Variants in WDR35 observed in about 807,000 individuals in gnomAD.
WDR35 encodes the protein WD repeat domain 35, also known as WD repeat-containing protein 35.
In WDR35, 118 loss-of-function variants were observed where a neutral mutation model predicts 158.3. The ratio of observed to expected loss-of-function variants is 0.75; its 90% confidence interval spans 0.64 to 0.87. The LOEUF is 0.87. Ranked by LOEUF, WDR35 falls within the 40% of genes least tolerant of loss-of-function variation. The probability of loss-of-function intolerance (pLI) is 0.00; values close to 1 mark genes in which losing one functional copy is unlikely to be tolerated. For synonymous variants in WDR35, 448 were observed against 476.1 expected (o/e 0.94, Z 0.77); for missense variants, 1,263 against 1,405.8 (o/e 0.90, Z 1.62).
In WDR35 at chr2:19,979,924, C is replaced by T. The variant is rs925969233; in HGVS notation, c.307+767G>A. Among the ~76,000 whole-genome samples, 9 of 152,228 alleles carry T rather than the reference C, an allele frequency of 5.9e-5. No homozygotes were observed. In the East Asian group the frequency reaches 1.7e-3, roughly 29 times the overall value. On this transcript the variant is annotated intron_variant, in intron 4 of 26. Coordinates refer to ENST00000281405, the MANE Select transcript of WDR35 (RefSeq NM_020779.4). ...AAAACAGCACACATGAACTAAGGCA[C>T]CCTTCCCTTTTGAAGATGATAACTA... is the stretch of plus-strand genomic sequence containing the variant.
At chr2:19,971,595 T>C (rs1227777015) in intron 8 of WDR35, among the ~76,000 whole-genome samples, 1 of 152,106 alleles carries the variant, frequency 6.6e-6, no homozygotes, top group African/African-American at 2.4e-5. Context: ...CATAATAGAG[T>C]AAGACAAATG....
At chr2:19,933,245 A>C (rs1025969966) in intron 22 of WDR35, among the ~76,000 whole-genome samples, 156 bp downstream of exon 22, 1 of 152,228 alleles carries the variant, frequency 6.6e-6, no homozygotes, top group Non-Finnish European at 1.5e-5. Flanking sequence ...AATTAAGAGA[A>C]TACCCGCCTG....
chr2:19,927,304 C>T (rs146064083), intron 25 of WDR35, among the ~76,000 whole-genome samples: 2,484 of 152,212 alleles, frequency 0.016, 71 homozygotes, highest in African/African-American at 0.058. Flanking sequence ...TATTTGTAAA[C>T]AAAATTGAAC....
intron 2 of WDR35, among the ~76,000 whole-genome samples, chr2:19,983,117 C>A (rs1672439993): frequency 6.6e-6 from 1 of 152,034 alleles, no homozygotes; most frequent in Admixed American, 6.6e-5. Flanking sequence ...AATGTGAAAG[C>A]ATAATAAGAA....
intron 11 of WDR35, among the ~76,000 whole-genome samples, chr2:19,956,532 T>C (rs758099622): frequency 1.3e-5 from 2 of 152,092 alleles, no homozygotes; most frequent in Non-Finnish European, 2.9e-5. Flanking sequence ...TGTTTGAAAG[T>C]TTAAGAGAGA....
chr2:19,956,867 T>C (rs1016878133), intron 11 of WDR35, among the ~76,000 whole-genome samples: 1 of 152,026 alleles, frequency 6.6e-6, no homozygotes, highest in East Asian at 1.9e-4. Flanking sequence ...GATCCGCCCG[T>C]CTTGGCCTCC....
At position 19,975,474 on chromosome 2, in the gene WDR35, A is replaced by T. The variant is rs368015019; in HGVS notation, c.570+56T>A. The T allele has an allele frequency of 3.0e-3, 4,599 of 1,543,172 alleles. 157 individuals are homozygous for T. The South Asian group carries it at 0.051, about 17-fold the overall frequency. Reference sequence around the variant, plus strand: ...AAATGTATATACAAACATGAATGATATGTACGATAATCATATAAAATTGTA... The same window carrying T: ...AAATGTATATACAAACATGAATGATTTGTACGATAATCATATAAAATTGTA... On this transcript the variant is annotated intron_variant, in intron 6 of 26. Coordinates refer to ENST00000281405, the MANE Select transcript of WDR35 (RefSeq NM_020779.4).
At chr2:19,969,416 T>A (rs1671963357) in intron 9 of WDR35, 64 bp downstream of exon 9, 1 of 1,534,220 alleles carries the variant, frequency 6.5e-7, no homozygotes, top group South Asian at 1.2e-5. Flanking sequence ...GAATATACTT[T>A]GAGCTATAGC....
chr2:19,919,464 C>T (rs1281343821), intron 25 of WDR35, among the ~76,000 whole-genome samples: 2 of 147,530 alleles, frequency 1.4e-5, no homozygotes, highest in Non-Finnish European at 3.0e-5. Context: ...GGAAACTGAA[C>T]AACCTTCTCC....
intron 25 of WDR35, among the ~76,000 whole-genome samples, chr2:19,918,702 G>A (rs752615580): frequency 6.6e-6 from 1 of 152,124 alleles, no homozygotes; most frequent in African/African-American, 2.4e-5. Context: ...GCTAACCATC[G>A]TAAATATATA....
chr2:19,924,660 G>A (rs1014800471), intron 25 of WDR35, among the ~76,000 whole-genome samples: 14 of 152,284 alleles, frequency 9.2e-5, no homozygotes, highest in Middle Eastern at 3.4e-3. Flanking sequence ...GCTGCTCTGC[G>A]ACCTATCAGA....
At chr2:19,953,704 C>T in intron 12 of WDR35, 130 bp downstream of exon 12, 2 of 1,216,082 alleles carry the variant, frequency 1.6e-6, no homozygotes, top group Non-Finnish European at 2.3e-6. Context: ...TAAAGATAAT[C>T]AAATTAATTG....
intron 25 of WDR35, among the ~76,000 whole-genome samples, chr2:19,923,139 C>G (rs1670230955): frequency 6.6e-6 from 1 of 152,202 alleles, no homozygotes; most frequent in Non-Finnish European, 1.5e-5. Context: ...TCAGGGCTCT[C>G]AGCTCTGAAG....
At chr2:19,962,821 C>T (rs1457878019) in intron 10 of WDR35, among the ~76,000 whole-genome samples, 1 of 152,090 alleles carries the variant, frequency 6.6e-6, no homozygotes, top group Non-Finnish European at 1.5e-5. Flanking sequence ...TACTCTTCCA[C>T]TACTTAAAAT....
In WDR35 at chr2:19,914,087, T is replaced by C; in HGVS notation, c.3312A>G (p.Lys1104=). Residue 1104 remains lysine, a synonymous_variant, in exon 26 of 27, where the codon AAA becomes AAG. Transcript: ENST00000281405. ...GTTTTCTGTTATCTTTTGAAGTATG[T>C]TTGGTGAAGATTTCTAAAGCAAGGT... is the stretch of plus-strand genomic sequence containing the variant. ...YEDLALEIFT[K]HTSKDNRKPE... 1.2e-6 allele frequency: 2 copies of C among 1,614,154 alleles called. No homozygotes were observed. Among genetic ancestry groups the C allele is most frequent in the Non-Finnish European group, 1.7e-6 (2 of 1,180,006 alleles).
intron 5 of WDR35, among the ~76,000 whole-genome samples, chr2:19,978,057 T>C (rs77948225): frequency 0.034 from 5,180 of 152,200 alleles, 202 homozygotes; most frequent in East Asian, 0.2. Flanking sequence ...CAGGATACTG[T>C]AATTTCTCAG....
At chr2:19,950,286 A>G (rs1433780794) in intron 13 of WDR35, among the ~76,000 whole-genome samples, 1 of 152,174 alleles carries the variant, frequency 6.6e-6, no homozygotes, top group African/African-American at 2.4e-5. Flanking sequence ...AAAATATTAA[A>G]TGTAATGTGT....
chr2:19,922,927 G>A (rs1006056998), intron 25 of WDR35, among the ~76,000 whole-genome samples: 4 of 152,198 alleles, frequency 2.6e-5, no homozygotes, highest in Non-Finnish European at 4.4e-5. Context: ...ACTGCTTAAA[G>A]GAGTTCTTAA....
chr2:19,913,827 T>C, intron 26 of WDR35, 119 bp from the exon 27 acceptor site: 1 of 1,463,748 alleles, frequency 6.8e-7, no homozygotes. Context: ...TCAAATACTT[T>C]CATTTAAAAA....
Sources: gnomAD v4.1 joint callset for allele counts (sites outside exome capture counted in the v4.1 genomes callset) on GRCh38, gnomAD v4.1.1 for gene constraint, MANE v1.5 for transcripts, NCBI Gene and HGNC (gene_info 2026-07-23, HGNC 2026-07-21) for gene names.